The following BDP1 variants were observed in gnomAD, a reference collection of about 807,000 sequenced individuals.
BDP1 encodes BDP1 general transcription factor IIIB subunit, also known as transcription factor TFIIIB component B'' homolog.
A neutral mutation model predicts 266.6 loss-of-function variants in BDP1; 169 were observed. That is an observed-to-expected ratio of 0.63 (90% CI 0.56 to 0.72). The LOEUF is 0.72. Ranked by LOEUF, BDP1 falls within the 30% of genes least tolerant of loss-of-function variation. The probability of loss-of-function intolerance (pLI) is 0.00; values close to 1 mark genes in which losing one functional copy is unlikely to be tolerated. For synonymous variants in BDP1, 1,090 were observed against 1,022.4 expected, an observed-to-expected ratio of 1.07 and a Z score of -1.26; for missense variants, 3,015 against 3,053.8, an observed-to-expected ratio of 0.99 and a Z score of 0.30.
intron 11 of BDP1, chr5:71,494,406 C>A (rs984450632): frequency 6.6e-6 from 1 of 152,210 alleles, no homozygotes; most frequent in African/African-American, 2.4e-5. Flanking sequence ...TCACTGCAGC[C>A]TTGACTTCCT....
intron 11 of BDP1, among the ~76,000 whole-genome samples, chr5:71,492,677 T>C (rs148631496): frequency 2.0e-4 from 31 of 152,336 alleles, no homozygotes; most frequent in African/African-American, 7.5e-4. Flanking sequence ...TTTTCTCCCA[T>C]TCCATAGGTT....
At chr5:71,560,972 A>G (rs1284040947) in intron 37 of BDP1, among the ~76,000 whole-genome samples, 1 of 152,232 alleles carries the variant, frequency 6.6e-6, no homozygotes, top group Non-Finnish European at 1.5e-5. Flanking sequence ...AGGCCCAGGT[A>G]CAGTGGCACA....
Position 71,491,001 on chromosome 5 carries a change from A to C in BDP1, c.1510A>C (p.Arg504=), listed in dbSNP as rs775156678. Residue 504 remains arginine (R), a synonymous_variant, in exon 11 of 39, where the codon AGG becomes CGG. Coordinates refer to ENST00000358731, the MANE Select transcript of BDP1 (RefSeq NM_018429.3). ...EKHKNKCQAI[R]PELKEGECSK... The stretch of plus-strand genomic sequence containing the variant: ...ATTTGTAGATAAATGTCAGGCTATA[A>C]GGCCTGAGCTAAAGGAAGGTGAATG... 4.6e-5 allele frequency: 74 copies of C among 1,606,892 alleles called. 1 individual carries two copies. In the South Asian group the frequency reaches 7.2e-4, roughly 16 times the overall value.
At chr5:71,575,192 T>G in the BDP1 span, among the ~76,000 whole-genome samples, 1 of 152,330 alleles carries the variant, frequency 6.6e-6, no homozygotes, top group Middle Eastern at 3.4e-3. Context: ...TTGAAGAACA[T>G]GGGATATCAC....
rs913090389 is a variant in BDP1, at chr5:71,532,521, C to T, written c.5892+94C>T. On this transcript the variant is annotated intron_variant, in intron 26 of 38. Coordinates refer to ENST00000358731, the MANE Select transcript of BDP1 (RefSeq NM_018429.3). ...TTTGATAGCTTTAGGTTTATAAACA[C>T]TTTACTTAGCTAATTTCTCTTTGTA... is the stretch of plus-strand genomic sequence containing the variant. The T allele has an allele frequency of 4.5e-5, 53 of 1,168,754 alleles. No homozygotes were observed. The Admixed American group carries it at 1.4e-3, about 31-fold the overall frequency. The allele number at this position is 1,168,754 out of a possible 1,614,324, so 72.4% of individuals were successfully genotyped here.
the BDP1 span, among the ~76,000 whole-genome samples, chr5:71,573,650 T>A: frequency 6.6e-6 from 1 of 152,188 alleles, no homozygotes; most frequent in Non-Finnish European, 1.5e-5. Flanking sequence ...GACGTGGAAT[T>A]TAAATTGGCA....
At chr5:71,512,588 A>G (rs546267321) in intron 18 of BDP1, among the ~76,000 whole-genome samples, 160 bp downstream of exon 18, 76 of 152,330 alleles carry the variant, frequency 5.0e-4, no homozygotes, top group Middle Eastern at 3.4e-3. Context: ...CTGACAGTCA[A>G]TTGTGAAAGT....
At chr5:71,529,717 C>G (rs1480716882) in intron 25 of BDP1, among the ~76,000 whole-genome samples, 2 of 151,830 alleles carry the variant, frequency 1.3e-5, no homozygotes, top group East Asian at 1.9e-4. Context: ...GTTTTTCAGC[C>G]CTAAAGGGAT....
At chr5:71,558,826 CAAAAACAAAAAAA>C (rs1185518560) in intron 36 of BDP1, among the ~76,000 whole-genome samples, 1 of 107,886 alleles carries the variant, frequency 9.3e-6, no homozygotes, top group Non-Finnish European at 2.0e-5. Context: ...AACTCTGTCT[CAAAAACAAAAAAA>C]AAAAACAACA....
intron 26 of BDP1, among the ~76,000 whole-genome samples, chr5:71,532,939 C>A (rs1766345343): frequency 2.0e-5 from 3 of 152,186 alleles, no homozygotes; most frequent in Admixed American, 1.3e-4. Flanking sequence ...TCCTTTCCTC[C>A]CAACCCTCAC....
In BDP1 at chr5:71,455,844, G is replaced by T; in HGVS notation, c.-34G>T. On this transcript the variant is annotated 5_prime_UTR_variant, in exon 1 of 39. Coordinates refer to ENST00000358731, the MANE Select transcript of BDP1 (RefSeq NM_018429.3). ...CCGGGGCTCGGGGCTGTGAGCGGCC[G>T]TGAGGCTGCCTCCCCGGGCCCCCTG... is the stretch of plus-strand genomic sequence containing the variant. 1 of 1,537,548 alleles carries T rather than the reference G, an allele frequency of 6.5e-7. No homozygotes were observed. Among genetic ancestry groups the T allele is most frequent in the South Asian group, 1.2e-5 (1 of 83,192 alleles).
downstream of BDP1, among the ~76,000 whole-genome samples, chr5:71,569,258 G>C (rs962079952): frequency 6.6e-6 from 1 of 152,138 alleles, no homozygotes; most frequent in Non-Finnish European, 1.5e-5. Flanking sequence ...AGGCTGAGGC[G>C]AGACATAGCG....
intron 6 of BDP1, 86 bp downstream of exon 6, chr5:71,467,573 A>G: frequency 8.7e-7 from 1 of 1,145,080 alleles, no homozygotes; most frequent in Admixed American, 2.3e-5. Flanking sequence ...TCCCCTAAGT[A>G]CATAAAATGC....
intron 38 of BDP1, chr5:71,562,761 T>G: frequency 7.1e-7 from 1 of 1,404,028 alleles, no homozygotes; most frequent in Non-Finnish European, 9.4e-7. Flanking sequence ...TTAATAGCCA[T>G]TCCTTTAATC....
Position 71,477,972 on chromosome 5 carries a change from C to T in BDP1, c.1015-5870C>T, listed in dbSNP as rs1291972408. 2.6e-5 allele frequency among the ~76,000 whole-genome samples: 4 copies of T among 152,162 alleles called. 1 individual carries two copies. Among genetic ancestry groups the T allele is most frequent in the African/African-American group, 4.8e-5 (2 of 41,494 alleles). On this transcript the variant is annotated intron_variant, in intron 7 of 38. Transcript: ENST00000358731. ...GGCCTTAAAAACAAAAATAAACAGC[C>T]GGGTGCGGTGATTCACGCCTGTAAT... is the stretch of plus-strand genomic sequence containing the variant.
chr5:71,529,083 GAAAAA>G, intron 25 of BDP1, among the ~76,000 whole-genome samples: 1 of 152,160 alleles, frequency 6.6e-6, no homozygotes, highest in Middle Eastern at 3.4e-3. Context: ...ATATATGTTA[GAAAAA>G]ATGTTCTTTA....
In BDP1 at chr5:71,482,571, T is replaced by C. The variant is rs12187678; in HGVS notation, c.1015-1271T>C. Among the ~76,000 whole-genome samples, 639 of 152,334 alleles carry C rather than the reference T, an allele frequency of 4.2e-3. 2 individuals carry two copies. The highest frequency in any genetic ancestry group is 7.8e-3 in the Non-Finnish European group (530 of 68,026). On this transcript the variant is annotated intron_variant, in intron 7 of 38. Coordinates refer to ENST00000358731, the MANE Select transcript of BDP1 (RefSeq NM_018429.3). ...TGGAATTTGGCCTGTTACTGGTTCT[T>C]ACCTATGAAATCATTGACTAGTTTC...
intron 12 of BDP1, 116 bp downstream of exon 12, chr5:71,495,524 G>A: frequency 5.3e-6 from 3 of 570,448 alleles, no homozygotes; most frequent in Non-Finnish European, 8.6e-6. Flanking sequence ...TTTATTAATA[G>A]TAGAGGGAAT....
intron 32 of BDP1, chr5:71,545,491 C>T: frequency 2.4e-6 from 1 of 413,282 alleles, no homozygotes; most frequent in Non-Finnish European, 4.2e-6. Flanking sequence ...GTCACCACAG[C>T]CAGCTAGGTT....
Sources: gnomAD v4.1 joint callset for allele counts (sites outside exome capture counted in the v4.1 genomes callset) on GRCh38, gnomAD v4.1.1 for gene constraint, MANE v1.5 for transcripts, NCBI Gene and HGNC (gene_info 2026-07-23, HGNC 2026-07-21) for gene names.